The following ARL15 variants were observed in gnomAD, a reference collection of about 807,000 sequenced individuals.
The protein encoded by ARL15 is ADP-ribosylation factor-like protein 15.
Under a neutral mutation model 25.2 loss-of-function variants are expected in ARL15, and 19 were observed. The observed-to-expected ratio is 0.75, with a 90% CI of 0.53 to 1.10. The LOEUF (loss-of-function observed/expected upper bound fraction) is 1.10. Ranked by LOEUF, ARL15 falls within the 50% of genes least tolerant of loss-of-function variation. The pLI is 0.00. For synonymous variants in ARL15, 94 were observed against 86.8 expected (o/e 1.08, Z -0.46); for missense variants, 220 against 246.0 (o/e 0.89, Z 0.71).
chr5:54,056,325 G>A (rs780487255), intron 4 of ARL15, among the ~76,000 whole-genome samples: 10 of 151,916 alleles, frequency 6.6e-5, no homozygotes, highest in Non-Finnish European at 1.3e-4. Flanking sequence ...GGGAAGGGGC[G>A]GGGACCTTTA....
chr5:54,172,860 T>C (rs563132484), intron 1 of ARL15, among the ~76,000 whole-genome samples: 23 of 152,328 alleles, frequency 1.5e-4, no homozygotes, highest in African/African-American at 5.3e-4. Context: ...TGCTAAATTC[T>C]TTTTCAGGTC....
intron 1 of ARL15, among the ~76,000 whole-genome samples, chr5:54,294,390 C>A (rs35954): frequency 0.79 from 120,831 of 152,228 alleles, 49,448 homozygotes; most frequent in Middle Eastern, 0.89. Flanking sequence ...TACAGGCTAC[C>A]GTCTCAGTAG....
intron 1 of ARL15, among the ~76,000 whole-genome samples, chr5:54,272,844 C>T (rs1465996319): frequency 3.9e-5 from 6 of 152,094 alleles, no homozygotes; most frequent in Non-Finnish European, 2.9e-5. Flanking sequence ...AATTAATATG[C>T]TTGCAATTAT....
intron 1 of ARL15, among the ~76,000 whole-genome samples, chr5:54,239,185 G>T (rs1011929798): frequency 1.3e-5 from 2 of 151,038 alleles, no homozygotes; most frequent in Admixed American, 1.3e-4. Flanking sequence ...ATAGGAAATT[G>T]ACTTATCTTT....
chr5:54,068,861 T>A (rs1390138029), intron 4 of ARL15, among the ~76,000 whole-genome samples: 3 of 152,230 alleles, frequency 2.0e-5, no homozygotes, highest in Non-Finnish European at 4.4e-5. Flanking sequence ...ACTTCACTGC[T>A]TGACTTCTTA....
intron 4 of ARL15, among the ~76,000 whole-genome samples, chr5:53,991,561 A>AAAAAG (rs1388513035): frequency 1.1e-5 from 1 of 92,070 alleles, no homozygotes; most frequent in African/African-American, 3.8e-5. Flanking sequence ...AAAAAAAAAA[A>AAAAAG]GGGGGGGCGG....
intron 4 of ARL15, among the ~76,000 whole-genome samples, chr5:54,015,292 CAA>C (rs112278417): frequency 0.13 from 17,546 of 138,242 alleles, 1,436 homozygotes; most frequent in African/African-American, 0.24. Context: ...AACTCCATCT[CAA>C]AAAAAAAAAA....
chr5:54,116,160 C>A (rs1477921724), intron 3 of ARL15, among the ~76,000 whole-genome samples: 1 of 152,112 alleles, frequency 6.6e-6, no homozygotes, highest in Non-Finnish European at 1.5e-5. Context: ...CCCTGGGGAG[C>A]AGGAGGGGGT....
intron 4 of ARL15, among the ~76,000 whole-genome samples, chr5:53,923,957 C>A (rs6884046): frequency 0.51 from 78,031 of 152,130 alleles, 21,276 homozygotes; most frequent in African/African-American, 0.71. Context: ...ACTTGTAATT[C>A]AAGCTTAAGA....
chr5:53,930,358 G>T (rs187214314), intron 4 of ARL15, among the ~76,000 whole-genome samples: 32 of 152,284 alleles, frequency 2.1e-4, no homozygotes, highest in Admixed American at 1.8e-3. Context: ...ACCTGAGAGG[G>T]TATCATCAGG....
chr5:54,228,828 C>T (rs1756593933), intron 1 of ARL15, among the ~76,000 whole-genome samples: 1 of 152,114 alleles, frequency 6.6e-6, no homozygotes. Flanking sequence ...ATCTGTTTTC[C>T]TTATTCCTCA....
chr5:54,158,996 T>A (rs1032666950), intron 2 of ARL15, among the ~76,000 whole-genome samples: 3 of 152,190 alleles, frequency 2.0e-5, no homozygotes, highest in African/African-American at 7.2e-5. Context: ...TTTTGTCCAA[T>A]TTTGAGCCTA....
rs372113520 is a variant in ARL15 at position 54,051,290 on chromosome 5, A to G, written c.462+61912T>C. 2.0e-5 allele frequency among the ~76,000 whole-genome samples: 3 copies of G among 152,332 alleles called. No homozygotes were observed. The East Asian group carries it at 5.8e-4, about 29-fold the overall frequency. On this transcript the variant is annotated intron_variant, in intron 4 of 4. Transcript: ENST00000504924. ...ATGAAGAAACTGAGGTCTTAAGAGT[A>G]TATAACTTTCTCAAAGTCGCAAGAC...
intron 3 of ARL15, among the ~76,000 whole-genome samples, chr5:54,136,696 C>G (rs572319736): frequency 6.6e-6 from 1 of 152,098 alleles, no homozygotes; most frequent in Non-Finnish European, 1.5e-5. Context: ...AAATGTTAAA[C>G]AAAACTCACA....
At chr5:54,094,790 T>A (rs1240386877) in intron 4 of ARL15, among the ~76,000 whole-genome samples, 1 of 152,194 alleles carries the variant, frequency 6.6e-6, no homozygotes, top group Non-Finnish European at 1.5e-5. Context: ...AAGCACTGAA[T>A]AAATTTGTTC....
At chr5:54,028,289 T>C (rs1404815710) in intron 4 of ARL15, among the ~76,000 whole-genome samples, 1 of 152,140 alleles carries the variant, frequency 6.6e-6, no homozygotes. Flanking sequence ...GTTCCATAAC[T>C]GCAATCGGTC....
At chr5:53,927,830 A>G (rs564056463) in intron 4 of ARL15, among the ~76,000 whole-genome samples, 1 of 152,296 alleles carries the variant, frequency 6.6e-6, no homozygotes, top group East Asian at 1.9e-4. Context: ...CCTGTAGGGA[A>G]GTGGTCTCTG....
At position 54,049,732 on chromosome 5, in the gene ARL15, A is replaced by C. The variant is rs558494748; in HGVS notation, c.462+63470T>G. Among the ~76,000 whole-genome samples the C allele has an allele frequency of 6.5e-4, 98 of 151,366 alleles. No individual in the cohort carries two copies. The South Asian group carries it at 0.02, about 31-fold the overall frequency. ...CCTCCTACCACCACCACGCCTCACT[A>C]ATTGTTCTGATTTTTTTTTTGTAGA... On this transcript the variant is annotated intron_variant, in intron 4 of 4. Transcript: ENST00000504924.
At chr5:54,151,233 G>A (rs1754060585) in intron 3 of ARL15, among the ~76,000 whole-genome samples, 1 of 152,166 alleles carries the variant, frequency 6.6e-6, no homozygotes, top group African/African-American at 2.4e-5. Flanking sequence ...TGGAGGGTGT[G>A]ACAGGTAGTT....
Sources: gnomAD v4.1 joint callset for allele counts (sites outside exome capture counted in the v4.1 genomes callset) on GRCh38, gnomAD v4.1.1 for gene constraint, MANE v1.5 for transcripts, NCBI Gene and HGNC (gene_info 2026-07-23, HGNC 2026-07-21) for gene names.